NELL2: variants seen among roughly 807,000 people sequenced by gnomAD.
The protein encoded by NELL2 is protein kinase C-binding protein NELL2.
NELL2 carries 41 observed loss-of-function variants against 109.6 expected under a neutral mutation model. The observed-to-expected ratio is 0.37, with a 90% confidence interval of 0.29 to 0.49. The LOEUF is 0.49. Among genes scored for constraint, NELL2 ranks in the 20% least tolerant of loss-of-function variants. The pLI is 0.98. For synonymous variants in NELL2, 355 were observed against 344.7 expected, an observed-to-expected ratio of 1.03 and a Z score of -0.33; for missense variants, 900 against 1,008.3, an observed-to-expected ratio of 0.89 and a Z score of 1.45.
intron 2 of NELL2, among the ~76,000 whole-genome samples, chr12:44,818,390 C>CT (rs1943424475): frequency 6.6e-6 from 1 of 152,182 alleles, no homozygotes. Context: ...CAGCAGCATC[C>CT]TTTGTCTTGC....
At chr12:44,644,212 T>C (rs1946966568) in intron 13 of NELL2, among the ~76,000 whole-genome samples, 1 of 151,782 alleles carries the variant, frequency 6.6e-6, no homozygotes. Context: ...AAGAAAAAAA[T>C]ACAGACAAAA....
chr12:44,589,203 ATTCT>A (rs1322652732), intron 15 of NELL2, among the ~76,000 whole-genome samples: 1 of 151,988 alleles, frequency 6.6e-6, no homozygotes, highest in Non-Finnish European at 1.5e-5. Context: ...ACTGTTGAAA[ATTCT>A]TTCTGAGTTC....
chr12:44,533,359 T>C (rs1942168839), intron 15 of NELL2, among the ~76,000 whole-genome samples: 1 of 152,116 alleles, frequency 6.6e-6, no homozygotes, highest in Non-Finnish European at 1.5e-5. Context: ...TGTTCAAGTA[T>C]ACATATTATT....
intron 9 of NELL2, among the ~76,000 whole-genome samples, chr12:44,721,856 C>T (rs1786087823): frequency 6.6e-6 from 1 of 151,992 alleles, no homozygotes; most frequent in Admixed American, 6.5e-5. Flanking sequence ...TGAGGTGCAG[C>T]TCTATTAGGA....
intron 2 of NELL2, among the ~76,000 whole-genome samples, chr12:44,850,389 C>T (rs1368473649): frequency 6.6e-6 from 1 of 151,876 alleles, no homozygotes; most frequent in Non-Finnish European, 1.5e-5. Flanking sequence ...ATGTCTATTC[C>T]ATTCACTTAT....
In NELL2 at chr12:44,644,608, G is replaced by GTATATATATATATATA. The variant is rs1180129986; in HGVS notation, c.1444+20860_1444+20875dup. 3.0e-4 allele frequency among the ~76,000 whole-genome samples: 27 copies of GTATATATATATATATA among 90,816 alleles called. No homozygotes were observed. The East Asian group carries it at 3.3e-3, about 11-fold the overall frequency. The allele number at this position is 90,816 out of a possible 152,430, so 59.6% of individuals were successfully genotyped here. On this transcript the variant is annotated intron_variant, in intron 13 of 19. Transcript: ENST00000429094. ...TATATATATATATATATATATGTAT[G>GTATATATATATATATA]TATATATATATATATATACATACAT... is the stretch of plus-strand genomic sequence containing the variant.
Position 44,593,999 on chromosome 12 carries a change from G to A in NELL2, c.1663+13170C>T, listed in dbSNP as rs555790389. The stretch of plus-strand genomic sequence containing the variant: ...CCTTTGCAGGGACATGGATGAAGCT[G>A]GAAACCATCATTCTCAGCAAACTAA... On this transcript the variant is annotated intron_variant, in intron 15 of 19. Transcript: ENST00000429094. Among the ~76,000 whole-genome samples, 67 of 152,176 alleles carry A rather than the reference G, an allele frequency of 4.4e-4. No homozygotes were observed. The South Asian group carries it at 0.013, about 31-fold the overall frequency.
At chr12:44,531,754 A>G (rs1942071226) in intron 16 of NELL2, among the ~76,000 whole-genome samples, 1 of 152,228 alleles carries the variant, frequency 6.6e-6, no homozygotes, top group Admixed American at 6.5e-5. Context: ...TCTTAACCCC[A>G]TTATCCTCTC....
At chr12:44,555,552 C>A (rs898051069) in intron 15 of NELL2, among the ~76,000 whole-genome samples, 2 of 152,172 alleles carry the variant, frequency 1.3e-5, no homozygotes, top group African/African-American at 4.8e-5. Context: ...GCAATGGGAT[C>A]AGCTGCCAAG....
intron 3 of NELL2, among the ~76,000 whole-genome samples, chr12:44,785,034 C>A (rs1942111955): frequency 1.3e-5 from 2 of 152,108 alleles, no homozygotes; most frequent in African/African-American, 4.8e-5. Flanking sequence ...CTGGCCAAGG[C>A]AATCAGGCAA....
intron 9 of NELL2, among the ~76,000 whole-genome samples, chr12:44,762,990 C>T (rs11182653): frequency 0.089 from 13,552 of 152,152 alleles, 690 homozygotes; most frequent in African/African-American, 0.1. Flanking sequence ...AAGAAATATT[C>T]TCCAGCTCAT....
intron 2 of NELL2, among the ~76,000 whole-genome samples, chr12:44,839,727 T>A (rs1470018505): frequency 1.3e-5 from 2 of 152,242 alleles, no homozygotes; most frequent in Non-Finnish European, 2.9e-5. Context: ...GCGATGATCA[T>A]AAAGTTTTTG....
chr12:44,686,004 A>G (rs1335523753), intron 12 of NELL2, among the ~76,000 whole-genome samples: 2 of 152,196 alleles, frequency 1.3e-5, no homozygotes, highest in Non-Finnish European at 2.9e-5. Flanking sequence ...AATATCCTGC[A>G]GAGTGTTTTC....
intron 1 of NELL2, among the ~76,000 whole-genome samples, chr12:44,902,475 G>A (rs1393541095): frequency 2.6e-5 from 4 of 152,144 alleles, no homozygotes; most frequent in African/African-American, 9.6e-5. Context: ...TGGCCACGCT[G>A]CCCAAAGTAA....
intron 15 of NELL2, among the ~76,000 whole-genome samples, chr12:44,549,141 G>A (rs1942925377): frequency 6.6e-6 from 1 of 152,160 alleles, no homozygotes; most frequent in Non-Finnish European, 1.5e-5. Flanking sequence ...TAGAGTCATA[G>A]TACCTGTTAA....
intron 15 of NELL2, among the ~76,000 whole-genome samples, chr12:44,561,036 C>T (rs990062972): frequency 2.0e-5 from 3 of 152,204 alleles, no homozygotes; most frequent in Admixed American, 1.3e-4. Flanking sequence ...ACATGCAAAT[C>T]AATAAACATA....
At chr12:44,689,894 C>T (rs1345953639) in intron 12 of NELL2, among the ~76,000 whole-genome samples, 1 of 151,948 alleles carries the variant, frequency 6.6e-6, no homozygotes, top group East Asian at 1.9e-4. Context: ...GTTGAGAAAC[C>T]CTGGTTAAAA....
intron 15 of NELL2, among the ~76,000 whole-genome samples, chr12:44,581,690 G>A (rs2136211636): frequency 6.6e-6 from 1 of 152,054 alleles, no homozygotes; most frequent in East Asian, 1.9e-4. Context: ...GAAAAGTAGG[G>A]TTCCTAAATG....
At chr12:44,804,176 G>A (rs994931974) in intron 3 of NELL2, among the ~76,000 whole-genome samples, 13 of 151,892 alleles carry the variant, frequency 8.6e-5, no homozygotes, top group South Asian at 4.1e-4. Context: ...CCACAATCAA[G>A]TGTAATTTTT....
Sources: allele counts gnomAD v4.1 joint callset (sites outside exome capture counted in the v4.1 genomes callset), GRCh38; gene constraint gnomAD v4.1.1; transcripts MANE v1.5; gene names NCBI Gene and HGNC (gene_info 2026-07-23, HGNC 2026-07-21).